Variants in ZNF91 observed in about 807,000 individuals in gnomAD.
ZNF91 encodes the protein zinc finger protein 91 (HPF7, HTF10).
A neutral mutation model predicts 12.6 loss-of-function variants in ZNF91; 7 were observed. The ratio of observed to expected loss-of-function variants is 0.55; its 90% CI spans 0.31 to 1.04. The LOEUF is 1.04. Ranked by LOEUF, ZNF91 falls within the 50% of genes least tolerant of loss-of-function variation. The pLI is 0.05. For missense variants in ZNF91, 1,217 were observed against 1,385.4 expected (o/e 0.88, Z 1.93); for synonymous variants, 453 against 462.6 (o/e 0.98, Z 0.27).
chr19:23,338,715 A>G (rs1407562290), downstream of ZNF91: 2 of 152,204 alleles, frequency 1.3e-5, no homozygotes, highest in African/African-American at 4.8e-5. Context: ...AACCTTACAT[A>G]TTAATATTTA....
intron 3 of ZNF91, among the ~76,000 whole-genome samples, chr19:23,343,712 A>T (rs976109026): frequency 2.0e-5 from 3 of 152,208 alleles, no homozygotes; most frequent in African/African-American, 7.2e-5. Flanking sequence ...GACCCTGCAC[A>T]CATGGCTCAT....
At chr19:23,344,577 A>C (rs531219173) in intron 3 of ZNF91, among the ~76,000 whole-genome samples, 1 of 152,318 alleles carries the variant, frequency 6.6e-6, no homozygotes, top group South Asian at 2.1e-4. Flanking sequence ...AAATTATTCC[A>C]GGCTATTAAT....
intron 1 of ZNF91, chr19:23,384,738 GGA>G (rs2145126816): frequency 1.6e-6 from 1 of 618,712 alleles, no homozygotes; most frequent in East Asian, 2.9e-5. Flanking sequence ...CTGGAAACTA[GGA>G]GAAAGCACAC....
rs1968682959 is a variant in ZNF91 at position 23,360,361 on chromosome 19, T to C, written c.2618A>G (p.Lys873Arg). Residue 873 changes from lysine to arginine, a missense_variant, in exon 4 of 4, where the codon AAG becomes AGG. By Grantham distance (26) the Lys-to-Arg change is conservative. This residue lies in a region of ZNF91 where 491 missense variants were observed against 489.8 expected (regional missense o/e 1.00). Coordinates refer to ENST00000300619, the MANE Select transcript of ZNF91 (RefSeq NM_003430.4). ...AGGTTTCTCTTTAGTATGAATTATCTTATGTGTCGTAAGATTTGAAGATTG... is the reference window on the plus strand; with the variant it reads ...AGGTTTCTCTTTAGTATGAATTATCCTATGTGTCGTAAGATTTGAAGATTG... ...FNQSSNLTTH[K>R]IIHTKEKPSK... The C allele has an allele frequency of 3.7e-6, 6 of 1,613,980 alleles. No homozygotes were observed. The highest frequency in any genetic ancestry group is 1.3e-5 in the African/African-American group (1 of 74,934).
chr19:23,395,198 G>T, intron 1 of ZNF91, 127 bp downstream of exon 1: 2 of 1,224,242 alleles, frequency 1.6e-6, no homozygotes, highest in Non-Finnish European at 2.3e-6. Flanking sequence ...GCCGAGCTGG[G>T]CAAGGAGAAC....
Position 23,385,029 on chromosome 19 carries a change from G to A in ZNF91, c.31-10265C>T. ...TGTTGGAGAACGGGACAGTCCACCA[G>A]GGAGACACCTCATGGGGCTCCAGCG... On this transcript the variant is annotated intron_variant, in intron 1 of 3. Transcript: ENST00000300619. 4 of 1,221,788 alleles carry A rather than the reference G, an allele frequency of 3.3e-6. No homozygotes were observed. The Admixed American group carries it at 6.8e-5, about 21-fold the overall frequency. The allele number at this position is 1,221,788 out of a possible 1,614,324, so 75.7% of individuals were successfully genotyped here.
intron 1 of ZNF91, chr19:23,325,771 T>C (rs959617818): frequency 2.0e-5 from 3 of 152,250 alleles, no homozygotes; most frequent in African/African-American, 7.2e-5. Flanking sequence ...CATTGAGTCA[T>C]AAGTACCTCT....
chr19:23,321,245 A>G (rs1967688053), intron 1 of ZNF91, among the ~76,000 whole-genome samples: 1 of 152,142 alleles, frequency 6.6e-6, no homozygotes, highest in Admixed American at 6.6e-5. Context: ...CCCAGAACCT[A>G]GGCGAGATGA....
chr19:23,381,880 T>C (rs924515787), intron 1 of ZNF91, among the ~76,000 whole-genome samples: 2 of 152,206 alleles, frequency 1.3e-5, no homozygotes, highest in African/African-American at 4.8e-5. Flanking sequence ...TAATTCTTTA[T>C]TGCTAAATTT....
intron 1 of ZNF91, among the ~76,000 whole-genome samples, chr19:23,382,445 T>TC (rs1256360373): frequency 6.6e-6 from 1 of 152,112 alleles, no homozygotes; most frequent in Non-Finnish European, 1.5e-5. Flanking sequence ...GACTACAACA[T>TC]CCCACAGGCA....
chr19:23,322,429 T>C (rs1967716900), intron 1 of ZNF91, among the ~76,000 whole-genome samples: 2 of 152,308 alleles, frequency 1.3e-5, no homozygotes, highest in South Asian at 4.1e-4. Flanking sequence ...ACATTGCCTA[T>C]GGTGACATAT....
At chr19:23,373,687 C>G in intron 3 of ZNF91, 55 bp downstream of exon 3, 1 of 1,415,670 alleles carries the variant, frequency 7.1e-7, no homozygotes, top group East Asian at 2.4e-5. Flanking sequence ...GACCTGCTTT[C>G]TTCTTGACTT....
At chr19:23,316,019 C>T (rs972972343) in intron 1 of ZNF91, among the ~76,000 whole-genome samples, 34 of 152,010 alleles carry the variant, frequency 2.2e-4, no homozygotes, top group East Asian at 9.7e-4. Flanking sequence ...GTAGGTGATG[C>T]GACTCTTCTG....
At chr19:23,371,098 T>G (rs1185075462) in intron 3 of ZNF91, among the ~76,000 whole-genome samples, 1 of 152,094 alleles carries the variant, frequency 6.6e-6, no homozygotes, top group African/African-American at 2.4e-5. Context: ...CCCAGCACTT[T>G]GGGAGGCCAC....
intron 3 of ZNF91, among the ~76,000 whole-genome samples, chr19:23,370,842 A>G (rs1273912805): frequency 6.6e-6 from 1 of 152,194 alleles, no homozygotes; most frequent in African/African-American, 2.4e-5. Context: ...TTAAGAAGGT[A>G]AATTATATGT....
At chr19:23,315,369 C>T (rs184886140), upstream of ZNF91, among the ~76,000 whole-genome samples, 385 of 152,292 alleles carry the variant, frequency 2.5e-3, 6 homozygotes, top group Admixed American at 0.02. Flanking sequence ...CTGGACTCTG[C>T]CCATAGAAGA....
At chr19:23,340,422 A>G (rs908815237) in intron 3 of ZNF91, among the ~76,000 whole-genome samples, 1 of 152,198 alleles carries the variant, frequency 6.6e-6, no homozygotes, top group African/African-American at 2.4e-5. Flanking sequence ...ACAAACCTGA[A>G]AACCTAGAAA....
At chr19:23,388,114 C>T (rs1039215229) in intron 1 of ZNF91, among the ~76,000 whole-genome samples, 3 of 150,752 alleles carry the variant, frequency 2.0e-5, no homozygotes, top group East Asian at 2.0e-4. Flanking sequence ...GGCGTGGTGG[C>T]GCACACCTGT....
At position 23,374,722 on chromosome 19, in the gene ZNF91, C is replaced by T. The variant is rs1313429899; in HGVS notation, c.73G>A (p.Glu25Lys). 4 of 1,612,970 alleles carry T rather than the reference C, an allele frequency of 2.5e-6. No individual in the cohort carries two copies. The highest frequency in any genetic ancestry group is 1.7e-6 in the Non-Finnish European group (2 of 1,179,452). Reference sequence around the variant, plus strand: ...GCAGTGTCCAGACATTGCCACTCCTCCGGAGAGAATTCTATGGCCACATCC... The same window carrying T: ...GCAGTGTCCAGACATTGCCACTCCTTCGGAGAGAATTCTATGGCCACATCC... The part of the protein sequence containing the change: ...FRDVAIEFSP[E>K]EWQCLDTAQQ... Residue 25 changes from glutamate to lysine, a missense_variant, in exon 2 of 4, where the codon GAG becomes AAG. This residue lies in a region of ZNF91 where 726 missense variants were observed against 895.5 expected (regional missense o/e 0.81). Transcript: ENST00000300619.
Sources: allele counts gnomAD v4.1 joint callset (sites outside exome capture counted in the v4.1 genomes callset), GRCh38; gene constraint gnomAD v4.1.1; regional missense constraint gnomAD v4.1.1; transcripts MANE v1.5; gene names NCBI Gene and HGNC (gene_info 2026-07-23, HGNC 2026-07-21).